The following TJP1 variants were observed in gnomAD, a reference collection of about 807,000 sequenced individuals.
TJP1 encodes the protein tight junction protein ZO-1.
TJP1 carries 43 observed loss-of-function variants against 194.2 expected under a neutral mutation model. The ratio of observed to expected loss-of-function variants is 0.22; its 90% CI spans 0.17 to 0.29. TJP1 has a LOEUF of 0.29. Among genes scored for constraint, TJP1 ranks in the 10% least tolerant of loss-of-function variants. The pLI is 1.00. For synonymous variants in TJP1, 801 were observed against 779.0 expected, an observed-to-expected ratio of 1.03 and a Z score of -0.47; for missense variants, 1,971 against 2,185.7, an observed-to-expected ratio of 0.90 and a Z score of 1.96.
intron 2 of TJP1, among the ~76,000 whole-genome samples, chr15:29,837,659 GA>G (rs2051079703): frequency 6.6e-6 from 1 of 152,160 alleles, no homozygotes; most frequent in Non-Finnish European, 1.5e-5. Flanking sequence ...CTTTTACAAA[GA>G]AAACATAAAT....
chr15:29,708,536 T>C, intron 25 of TJP1, 23 bp downstream of exon 25: 1 of 1,561,700 alleles, frequency 6.4e-7, no homozygotes, highest in Non-Finnish European at 8.8e-7. Flanking sequence ...GGCCAATGCT[T>C]TGAGCAAAGG....
chr15:29,951,841 C>T (rs574719801), intron 2 of TJP1, among the ~76,000 whole-genome samples: 2 of 152,224 alleles, frequency 1.3e-5, no homozygotes, highest in Middle Eastern at 3.4e-3. Context: ...TAGATTTACA[C>T]CCACAAAGCA....
intron 10 of TJP1, among the ~76,000 whole-genome samples, chr15:29,738,214 C>T (rs1407851046): frequency 6.6e-6 from 1 of 152,130 alleles, no homozygotes; most frequent in Non-Finnish European, 1.5e-5. Flanking sequence ...CTATATTTCC[C>T]TTCTAGGGAT....
Position 29,925,628 on chromosome 15 carries a change from G to A in TJP1, c.306+30604C>T, listed in dbSNP as rs903654401. Among the ~76,000 whole-genome samples, 7 of 152,066 alleles carry A rather than the reference G, an allele frequency of 4.6e-5. No individual in the cohort carries two copies. The East Asian group carries it at 1.4e-3, about 29-fold the overall frequency. ...ACACGCACCCTTTTTTCTAGTATGG[G>A]CTGTTCTTAAAGGTATGTGTCACAC... is the stretch of plus-strand genomic sequence containing the variant. On this transcript the variant is annotated intron_variant, in intron 2 of 28. Transcript: ENST00000356107.
chr15:29,846,694 G>A (rs534660037), intron 2 of TJP1, among the ~76,000 whole-genome samples: 1 of 152,254 alleles, frequency 6.6e-6, no homozygotes, highest in Admixed American at 6.5e-5. Flanking sequence ...GGGAGGCCGA[G>A]GCGGGCGGAT....
At chr15:29,865,721 C>A (rs1269453282) in intron 2 of TJP1, among the ~76,000 whole-genome samples, 1 of 152,112 alleles carries the variant, frequency 6.6e-6, no homozygotes, top group African/African-American at 2.4e-5. Context: ...TGTGCGGGAT[C>A]TGGGCTGGAC....
chr15:29,949,722 CCGCCA>C, intron 2 of TJP1, among the ~76,000 whole-genome samples: 1 of 121,002 alleles, frequency 8.3e-6, no homozygotes, highest in Non-Finnish European at 1.8e-5. Flanking sequence ...ATCACCTCCA[CCGCCA>C]TCACCTCCAC....
At chr15:29,770,417 A>G (rs1004285082) in intron 4 of TJP1, among the ~76,000 whole-genome samples, 1 of 151,998 alleles carries the variant, frequency 6.6e-6, no homozygotes. Flanking sequence ...TGGGTGACAG[A>G]GCGAAACCGT....
At chr15:29,766,168 A>G (rs2046318005) in intron 5 of TJP1, 98 bp downstream of exon 5, 1 of 1,473,382 alleles carries the variant, frequency 6.8e-7, no homozygotes, top group East Asian at 2.3e-5. Flanking sequence ...ACACAAAGAC[A>G]ACAAAGCAAA....
Position 29,732,420 on chromosome 15 carries a change from T to G in TJP1, c.2017+13A>C. Reference sequence around the variant, plus strand: ...CTCCCAACCTCATTTAAGTTAGCCTTGAGGCTACTTACTTGCAATTTGATA... The same window carrying G: ...CTCCCAACCTCATTTAAGTTAGCCTGGAGGCTACTTACTTGCAATTTGATA... On this transcript the variant is annotated intron_variant, in intron 15 of 27. Coordinates refer to ENST00000614355, the MANE Select transcript of TJP1 (RefSeq NM_001330239.4). The G allele has an allele frequency of 6.2e-7, 1 of 1,609,286 alleles. No homozygotes were observed. The highest frequency in any genetic ancestry group is 8.5e-7 in the Non-Finnish European group (1 of 1,177,002).
chr15:29,856,255 T>C (rs915776886), intron 2 of TJP1, among the ~76,000 whole-genome samples: 2 of 152,042 alleles, frequency 1.3e-5, no homozygotes, highest in African/African-American at 4.8e-5. Context: ...TAAAAAAAAA[T>C]GAGGCTTTCC....
chr15:29,708,867 T>C lies in TJP1; in HGVS notation c.4542A>G (p.Glu1514=), dbSNP rs1566860350. The C allele has an allele frequency of 6.2e-7, 1 of 1,614,176 alleles. No individual in the cohort carries two copies. The highest frequency in any genetic ancestry group is 8.5e-7 in the Non-Finnish European group (1 of 1,180,024). ...FPDKAPVNGT[E]QTQKTVTPAY... ...CTGGAGTGACTGTTTTCTGAGTCTG[T>C]TCAGTTCCATTAACTGGGGCTTTAT... The change falls in exon 25 of 28, where the codon GAA becomes GAG. Residue 1514 remains glutamate (E), a synonymous_variant. Coordinates refer to ENST00000614355, the MANE Select transcript of TJP1 (RefSeq NM_001330239.4).
At chr15:29,716,420 C>T (rs529053573) in intron 23 of TJP1, among the ~76,000 whole-genome samples, 191 bp downstream of exon 23, 1 of 152,188 alleles carries the variant, frequency 6.6e-6, no homozygotes, top group Non-Finnish European at 1.5e-5. Flanking sequence ...AATGCAAAAA[C>T]TATGTACATC....
chr15:29,737,189 T>C, intron 11 of TJP1, 75 bp downstream of exon 11: 4 of 1,540,500 alleles, frequency 2.6e-6, no homozygotes, highest in Non-Finnish European at 3.5e-6. Flanking sequence ...ATTACAATAG[T>C]AAGCTTGTTG....
At chr15:29,790,348 G>C (rs1362784021) in intron 2 of TJP1, among the ~76,000 whole-genome samples, 2 of 152,096 alleles carry the variant, frequency 1.3e-5, no homozygotes, top group Non-Finnish European at 2.9e-5. Flanking sequence ...GCATAACTCA[G>C]CTCCCACTGG....
intron 2 of TJP1, among the ~76,000 whole-genome samples, chr15:29,923,563 C>G (rs1281453206): frequency 1.3e-5 from 2 of 152,050 alleles, no homozygotes; most frequent in Admixed American, 1.3e-4. Context: ...ACACAAAGGA[C>G]CATATATTAT....
intron 2 of TJP1, among the ~76,000 whole-genome samples, chr15:29,879,123 CAAAA>C (rs890857101): frequency 6.6e-6 from 1 of 151,904 alleles, no homozygotes; most frequent in African/African-American, 2.4e-5. Flanking sequence ...GACTCCGTCT[CAAAA>C]AAATAATAAT....
chr15:29,895,968 T>G (rs987150406), intron 2 of TJP1, among the ~76,000 whole-genome samples: 1 of 152,228 alleles, frequency 6.6e-6, no homozygotes, highest in African/African-American at 2.4e-5. Context: ...CCTCACGTGA[T>G]GTAAGGAGGC....
intron 8 of TJP1, 128 bp downstream of exon 8, chr15:29,761,011 G>C: frequency 8.4e-7 from 1 of 1,197,062 alleles, no homozygotes; most frequent in Non-Finnish European, 1.1e-6. Context: ...TGTCTAAGTT[G>C]AGAAAAACAG....
Sources: allele counts gnomAD v4.1 joint callset (sites outside exome capture counted in the v4.1 genomes callset), GRCh38; gene constraint gnomAD v4.1.1; transcripts MANE v1.5; gene names NCBI Gene and HGNC (gene_info 2026-07-23, HGNC 2026-07-21).